Variants in SPRED1 observed in about 807,000 individuals in gnomAD.
The protein encoded by SPRED1 is sprouty related EVH1 domain containing 1, also known as sprouty-related, EVH1 domain-containing protein 1.
SPRED1 carries 18 observed loss-of-function variants against 52.3 expected under a neutral mutation model. The observed-to-expected ratio is 0.34, with a 90% CI of 0.24 to 0.51. The LOEUF (loss-of-function observed/expected upper bound fraction) is 0.51, where lower values mean the gene tolerates loss of function less well. SPRED1 is among the 20% of genes least tolerant of loss of function. The pLI is 0.97. For missense variants in SPRED1, 485 were observed against 551.0 expected (o/e 0.88, Z 1.20); for synonymous variants, 155 against 179.7 (o/e 0.86, Z 1.10).
At chr15:38,311,621 T>C (rs1326806929) in intron 2 of SPRED1, among the ~76,000 whole-genome samples, 1 of 152,230 alleles carries the variant, frequency 6.6e-6, no homozygotes, top group Non-Finnish European at 1.5e-5. Flanking sequence ...ATTCAGGTTA[T>C]CTATTTCATC....
rs1230410923 is a variant in SPRED1, at chr15:38,351,698, T to C, written c.*34T>C. On this transcript the variant is annotated 3_prime_UTR_variant, in exon 7 of 7. Transcript: ENST00000299084. ...AGTGCCAAAATGAGCTTAAAATCTTTGTTTCCAGGAATTAGCTAACTTGGA... is the reference window on the plus strand; with the variant it reads ...AGTGCCAAAATGAGCTTAAAATCTTCGTTTCCAGGAATTAGCTAACTTGGA... The C allele has an allele frequency of 1.9e-6, 3 of 1,605,082 alleles. No homozygotes were observed. The highest frequency in any genetic ancestry group is 2.5e-6 in the Non-Finnish European group (3 of 1,179,520).
chr15:38,258,748 C>T (rs897593360), intron 1 of SPRED1, among the ~76,000 whole-genome samples: 7 of 151,956 alleles, frequency 4.6e-5, no homozygotes, highest in African/African-American at 1.5e-4. Context: ...GGTTGTTTTG[C>T]GGTAACTAGA....
chr15:38,303,883 A>G (rs1357384), intron 2 of SPRED1, among the ~76,000 whole-genome samples: 144,361 of 152,170 alleles, frequency 0.95, 68,621 homozygotes, highest in East Asian at 1. Context: ...AGTGACAAAG[A>G]TAATGTGGAA....
At chr15:38,301,330 C>G (rs941625036) in intron 2 of SPRED1, among the ~76,000 whole-genome samples, 1 of 152,054 alleles carries the variant, frequency 6.6e-6, no homozygotes, top group East Asian at 1.9e-4. Flanking sequence ...TACCCTAGTC[C>G]TAGGGTATAG....
At chr15:38,283,213 G>A (rs530190433) in intron 1 of SPRED1, among the ~76,000 whole-genome samples, 5 of 152,298 alleles carry the variant, frequency 3.3e-5, no homozygotes, top group Non-Finnish European at 5.9e-5. Context: ...AGACAAGAGC[G>A]TGTTAAGGGG....
At chr15:38,257,926 C>T (rs533255625) in intron 1 of SPRED1, among the ~76,000 whole-genome samples, 1 of 152,296 alleles carries the variant, frequency 6.6e-6, no homozygotes, top group South Asian at 2.1e-4. Flanking sequence ...TGTTGTATAA[C>T]TTGAACTTGA....
intron 3 of SPRED1, 78 bp from the exon 4 acceptor site, chr15:38,324,685 G>T: frequency 1.8e-6 from 2 of 1,121,266 alleles, no homozygotes; most frequent in South Asian, 1.4e-5. Context: ...GTATTATAAT[G>T]ACATAATCAA....
At chr15:38,265,168 G>A (rs1191704033) in intron 1 of SPRED1, among the ~76,000 whole-genome samples, 1 of 152,110 alleles carries the variant, frequency 6.6e-6, no homozygotes, top group Non-Finnish European at 1.5e-5. Flanking sequence ...GCTGACTGTA[G>A]CATTAAGACA....
chr15:38,298,580 G>C, intron 1 of SPRED1: 1 of 291,636 alleles, frequency 3.4e-6, no homozygotes, highest in South Asian at 3.0e-5. Context: ...AGTACAAATG[G>C]TAATTCTGTT....
At chr15:38,275,289 T>C (rs1894526187) in intron 1 of SPRED1, among the ~76,000 whole-genome samples, 2 of 152,224 alleles carry the variant, frequency 1.3e-5, no homozygotes, top group Non-Finnish European at 2.9e-5. Context: ...TCTGTTTCTA[T>C]GTCCTTTTGA....
intron 1 of SPRED1, among the ~76,000 whole-genome samples, chr15:38,281,488 G>A (rs1304568581): frequency 1.3e-5 from 2 of 151,852 alleles, no homozygotes; most frequent in African/African-American, 4.8e-5. Flanking sequence ...AAACTCCTGG[G>A]CTCAAGCGAT....
chr15:38,299,860 A>AT (rs1252432999), intron 2 of SPRED1, among the ~76,000 whole-genome samples: 3 of 152,128 alleles, frequency 2.0e-5, no homozygotes, highest in Non-Finnish European at 4.4e-5. Flanking sequence ...TAGACCAGAG[A>AT]TTGGCAAACT....
intron 2 of SPRED1, among the ~76,000 whole-genome samples, chr15:38,312,021 G>A (rs1335604867): frequency 2.0e-5 from 3 of 151,870 alleles, no homozygotes; most frequent in Non-Finnish European, 4.4e-5. Flanking sequence ...CTTTTGAAAA[G>A]ACTTCAGTTC....
chr15:38,318,988 C>G (rs926751036), intron 2 of SPRED1, among the ~76,000 whole-genome samples: 5 of 151,978 alleles, frequency 3.3e-5, no homozygotes, highest in Admixed American at 2.6e-4. Flanking sequence ...GGGTAGATCA[C>G]ATTGAAATTT....
chr15:38,328,587 G>T (rs1156914130), intron 4 of SPRED1, among the ~76,000 whole-genome samples: 1 of 152,010 alleles, frequency 6.6e-6, no homozygotes, highest in East Asian at 1.9e-4. Context: ...ATACATAGTT[G>T]GCACTCAAAA....
rs66511254 is a variant in SPRED1, at chr15:38,293,099, CTT to C, written c.33-6256_33-6255del. ...TTAAGTAATTTACCCAAGATTACAA[CTT>C]TTTTTTTTTTTTTTTTTGAGACGGA... On this transcript the variant is annotated intron_variant, in intron 1 of 6. Coordinates refer to ENST00000299084, the MANE Select transcript of SPRED1 (RefSeq NM_152594.3). 9.9e-5 allele frequency among the ~76,000 whole-genome samples: 9 copies of C among 90,724 alleles called. 1 individual carries two copies. The highest frequency in any genetic ancestry group is 3.7e-4 in the East Asian group (1 of 2,698). The allele number at this position is 90,724 out of a possible 152,430, so 59.5% of individuals were successfully genotyped here.
intron 1 of SPRED1, among the ~76,000 whole-genome samples, chr15:38,285,987 TAA>T (rs1199039727): frequency 6.6e-6 from 1 of 152,168 alleles, no homozygotes; most frequent in Non-Finnish European, 1.5e-5. Flanking sequence ...CTCATGCCTA[TAA>T]TCCCAGCACT....
chr15:38,257,170 C>T (rs1894114937), intron 1 of SPRED1, among the ~76,000 whole-genome samples: 1 of 152,202 alleles, frequency 6.6e-6, no homozygotes, highest in Non-Finnish European at 1.5e-5. Flanking sequence ...CTCTGTCCCT[C>T]TATGTTGCCT....
chr15:38,340,742 G>T (rs1397203750), intron 5 of SPRED1, among the ~76,000 whole-genome samples: 1 of 151,950 alleles, frequency 6.6e-6, no homozygotes, highest in African/African-American at 2.4e-5. Context: ...CATCATCTTG[G>T]TCATGCTGGT....
Sources: allele counts gnomAD v4.1 joint callset (sites outside exome capture counted in the v4.1 genomes callset), GRCh38; gene constraint gnomAD v4.1.1; transcripts MANE v1.5; gene names NCBI Gene and HGNC (gene_info 2026-07-23, HGNC 2026-07-21).